The following KCNH1 variants were observed in gnomAD, a reference collection of about 807,000 sequenced individuals.
The protein encoded by KCNH1 is potassium voltage-gated channel subfamily H member 1.
In KCNH1, 27 loss-of-function variants were observed where a neutral mutation model predicts 69.2. The ratio of observed to expected loss-of-function variants is 0.39; its 90% CI spans 0.29 to 0.54. The LOEUF (loss-of-function observed/expected upper bound fraction) is 0.54, where lower values mean the gene tolerates loss of function less well. Ranked by LOEUF, KCNH1 falls within the 20% of genes least tolerant of loss-of-function variation. The pLI, the probability that KCNH1 is intolerant of heterozygous loss-of-function variation, is 0.68. For synonymous variants in KCNH1, 456 were observed against 487.7 expected, an observed-to-expected ratio of 0.93 and a Z score of 0.86; for missense variants, 798 against 1,261.6, an observed-to-expected ratio of 0.63 and a Z score of 5.57.
At chr1:211,120,266 T>A (rs1317237157) in intron 1 of KCNH1, among the ~76,000 whole-genome samples, 1 of 151,892 alleles carries the variant, frequency 6.6e-6, no homozygotes, top group Non-Finnish European at 1.5e-5. Flanking sequence ...CTCGGCTCAC[T>A]GCAACCTCTG....
chr1:211,085,921 G>A (rs962961913), intron 4 of KCNH1, among the ~76,000 whole-genome samples: 2 of 152,126 alleles, frequency 1.3e-5, no homozygotes, highest in African/African-American at 4.8e-5. Context: ...GTCATTTTCC[G>A]CATGATTCAT....
At chr1:210,789,978 TC>T (rs1684181498) in intron 9 of KCNH1, among the ~76,000 whole-genome samples, 1 of 152,100 alleles carries the variant, frequency 6.6e-6, no homozygotes, top group Non-Finnish European at 1.5e-5. Context: ...ACAGGTGTGA[TC>T]ACGGTGCACT....
rs1391497330 is a variant in KCNH1, at chr1:210,772,181, G to A, written c.2112+3167C>T. ...TATAAAATGTGAAATGAGGGTGTTA[G>A]GGAAGTAGAGAAGAGATTGAACGGT... On this transcript the variant is annotated intron_variant, in intron 10 of 10. Transcript: ENST00000271751. Among the ~76,000 whole-genome samples, 7 of 152,176 alleles carry A rather than the reference G, an allele frequency of 4.6e-5. No homozygotes were observed. In the East Asian group the frequency reaches 1.3e-3, roughly 29 times the overall value.
chr1:210,693,019 C>T (rs1403425938), intron 10 of KCNH1, among the ~76,000 whole-genome samples: 5 of 152,160 alleles, frequency 3.3e-5, no homozygotes, highest in Non-Finnish European at 5.9e-5. Flanking sequence ...GCGCTCAGGC[C>T]TCCACCAGCT....
At chr1:210,764,902 C>T (rs1683593751) in intron 10 of KCNH1, among the ~76,000 whole-genome samples, 1 of 152,106 alleles carries the variant, frequency 6.6e-6, no homozygotes, top group African/African-American at 2.4e-5. Flanking sequence ...AAAAAGACAC[C>T]TGCACTCATA....
At chr1:211,070,717 G>C (rs569931555) in intron 5 of KCNH1, among the ~76,000 whole-genome samples, 21 of 151,838 alleles carry the variant, frequency 1.4e-4, no homozygotes, top group Admixed American at 3.9e-4. Flanking sequence ...CCAGCTACAG[G>C]AGGCTGAGAC....
chr1:210,732,081 G>C (rs1395954435), intron 10 of KCNH1, among the ~76,000 whole-genome samples: 2 of 152,014 alleles, frequency 1.3e-5, no homozygotes, highest in Admixed American at 1.3e-4. Flanking sequence ...GCCCAGGCCA[G>C]CTGTGGCCAT....
At chr1:210,879,101 G>A (rs1184931961) in intron 7 of KCNH1, among the ~76,000 whole-genome samples, 2 of 152,042 alleles carry the variant, frequency 1.3e-5, no homozygotes, top group Non-Finnish European at 2.9e-5. Context: ...TGGTCTGTAT[G>A]TATTCAAAAA....
At chr1:210,941,156 C>A (rs201491318) in intron 6 of KCNH1, among the ~76,000 whole-genome samples, 16 of 152,140 alleles carry the variant, frequency 1.1e-4, no homozygotes, top group African/African-American at 2.7e-4. Context: ...AGTAAGGAAG[C>A]GGCTGGGTCT....
intron 7 of KCNH1, among the ~76,000 whole-genome samples, chr1:210,907,492 C>T: frequency 6.6e-6 from 1 of 150,544 alleles, no homozygotes; most frequent in African/African-American, 2.4e-5. Flanking sequence ...TCTTCTGGCC[C>T]AAGCTCAAAT....
intron 5 of KCNH1, among the ~76,000 whole-genome samples, chr1:211,049,420 G>T (rs1217684032): frequency 6.6e-6 from 1 of 152,154 alleles, no homozygotes; most frequent in African/African-American, 2.4e-5. Context: ...GATGTGTAAA[G>T]GAAGGCAGTA....
chr1:210,893,459 A>C (rs1465635373), intron 7 of KCNH1, among the ~76,000 whole-genome samples: 4 of 151,754 alleles, frequency 2.6e-5, no homozygotes, highest in Admixed American at 1.3e-4. Context: ...CTGATTTTGA[A>C]ATTTTTATGA....
At chr1:211,122,825 G>A (rs955553319) in intron 1 of KCNH1, among the ~76,000 whole-genome samples, 1 of 152,140 alleles carries the variant, frequency 6.6e-6, no homozygotes, top group African/African-American at 2.4e-5. Context: ...AGGTCCTGTT[G>A]GGGGTGGGGG....
At chr1:210,690,554 A>G (rs1255374649) in intron 10 of KCNH1, among the ~76,000 whole-genome samples, 1 of 152,240 alleles carries the variant, frequency 6.6e-6, no homozygotes, top group Non-Finnish European at 1.5e-5. Context: ...GCCATTTAAG[A>G]AACTTAAAAC....
chr1:211,111,111 G>A (rs1691452095), intron 1 of KCNH1, among the ~76,000 whole-genome samples: 2 of 152,038 alleles, frequency 1.3e-5, no homozygotes, highest in African/African-American at 4.8e-5. Context: ...TTAATTTATT[G>A]ATTAAATTTT....
At chr1:210,826,335 C>T (rs926410530) in intron 7 of KCNH1, among the ~76,000 whole-genome samples, 7 of 152,132 alleles carry the variant, frequency 4.6e-5, no homozygotes, top group African/African-American at 1.7e-4. Flanking sequence ...GCTATCTACA[C>T]CCGTTCTCCT....
At chr1:210,822,474 A>T (rs920819295) in intron 7 of KCNH1, among the ~76,000 whole-genome samples, 1 of 152,148 alleles carries the variant, frequency 6.6e-6, no homozygotes, top group Non-Finnish European at 1.5e-5. Flanking sequence ...TACCGACTCA[A>T]TTATTTCCAC....
chr1:210,941,649 T>G (rs994685164), intron 6 of KCNH1, among the ~76,000 whole-genome samples: 4 of 152,078 alleles, frequency 2.6e-5, no homozygotes, highest in Non-Finnish European at 5.9e-5. Flanking sequence ...TGGGCATACT[T>G]CTGAGGAGGC....
chr1:210,908,211 T>A (rs1687155992), intron 7 of KCNH1, among the ~76,000 whole-genome samples: 1 of 152,200 alleles, frequency 6.6e-6, no homozygotes, highest in Admixed American at 6.5e-5. Context: ...TGTTCTCACA[T>A]CATTTCTAAT....
Sources: gnomAD v4.1 joint callset for allele counts (sites outside exome capture counted in the v4.1 genomes callset) on GRCh38, gnomAD v4.1.1 for gene constraint, MANE v1.5 for transcripts, NCBI Gene and HGNC (gene_info 2026-07-23, HGNC 2026-07-21) for gene names.